The following JPH3 variants were observed in gnomAD, a reference collection of about 807,000 sequenced individuals.
The protein encoded by JPH3 is junctophilin 3, also known as junctophilin-3.
JPH3 carries 11 observed loss-of-function variants against 59.6 expected under a neutral mutation model. That is an observed-to-expected ratio of 0.18 (90% confidence interval 0.12 to 0.31). The LOEUF (loss-of-function observed/expected upper bound fraction) is 0.31, where lower values mean the gene tolerates loss of function less well. Among genes scored for constraint, JPH3 ranks in the 10% least tolerant of loss-of-function variants. JPH3 has a pLI of 1.00. For synonymous variants in JPH3, 673 were observed against 483.6 expected, an observed-to-expected ratio of 1.39 and a Z score of -5.14; for missense variants, 1,202 against 1,105.7, an observed-to-expected ratio of 1.09 and a Z score of -1.24.
intron 1 of JPH3, among the ~76,000 whole-genome samples, chr16:87,633,568 G>A (rs577027176): frequency 2.0e-5 from 3 of 152,058 alleles, no homozygotes; most frequent in East Asian, 3.9e-4. Flanking sequence ...TTGGGAGGCC[G>A]AGGCAGGCGG....
intron 2 of JPH3, among the ~76,000 whole-genome samples, chr16:87,678,421 C>A (rs1424033052): frequency 6.6e-6 from 1 of 152,026 alleles, no homozygotes; most frequent in African/African-American, 2.4e-5. Flanking sequence ...TACCTGTAGT[C>A]CCAGCTACTT....
chr16:87,618,548 A>G (rs2031057141), intron 1 of JPH3, among the ~76,000 whole-genome samples: 1 of 152,174 alleles, frequency 6.6e-6, no homozygotes, highest in African/African-American at 2.4e-5. Context: ...ACAGACTGAC[A>G]GTGTTCGGCA....
intron 1 of JPH3, among the ~76,000 whole-genome samples, chr16:87,639,622 G>GTCCTCCCTCCT (rs1567593522): frequency 1.2e-3 from 177 of 149,934 alleles, no homozygotes; most frequent in Admixed American, 2.9e-3. Context: ...CCTCCCTCCT[G>GTCCTCCCTCCT]GCCTCCCTCC....
chr16:87,652,476 T>C (rs1175314905), intron 2 of JPH3, among the ~76,000 whole-genome samples: 1 of 152,386 alleles, frequency 6.6e-6, no homozygotes, highest in East Asian at 1.9e-4. Flanking sequence ...AACTTTTTTC[T>C]TTTTCGTGAC....
At chr16:87,665,753 G>A (rs1009691767) in intron 2 of JPH3, among the ~76,000 whole-genome samples, 2 of 152,190 alleles carry the variant, frequency 1.3e-5, no homozygotes, top group African/African-American at 2.4e-5. Context: ...TCTGGCTTCC[G>A]TCAGACCCAG....
chr16:87,641,032 C>T (rs1429467601), intron 1 of JPH3, among the ~76,000 whole-genome samples: 1 of 152,238 alleles, frequency 6.6e-6, no homozygotes, highest in Non-Finnish European at 1.5e-5. Context: ...GAGCAAGCCA[C>T]AGGGTTTCCC....
rs981842051 is a variant in JPH3 at position 87,619,895 on chromosome 16, C to T, written c.382+16367C>T. ...CCTTCTAGGGAGTGAGGCTGGTGAG[C>T]GGGTTGGGGAGGAACCATGGGGCCT... On this transcript the variant is annotated intron_variant, in intron 1 of 4. Coordinates refer to ENST00000284262, the MANE Select transcript of JPH3 (RefSeq NM_020655.4). Among the ~76,000 whole-genome samples the T allele has an allele frequency of 1.8e-4, 28 of 152,184 alleles. 1 individual carries two copies. The highest frequency in any genetic ancestry group is 1.8e-3 in the Admixed American group (28 of 15,292).
intron 2 of JPH3, among the ~76,000 whole-genome samples, chr16:87,674,667 C>G (rs1479153137): frequency 6.6e-6 from 1 of 152,194 alleles, no homozygotes; most frequent in Non-Finnish European, 1.5e-5. Flanking sequence ...GGAAGCTGGA[C>G]ACATGTGGAA....
intron 1 of JPH3, among the ~76,000 whole-genome samples, chr16:87,641,967 T>C (rs1597255179): frequency 6.6e-6 from 1 of 152,074 alleles, no homozygotes; most frequent in East Asian, 1.9e-4. Flanking sequence ...CCTGGGGTGC[T>C]TGGAGGTGCT....
intron 2 of JPH3, among the ~76,000 whole-genome samples, chr16:87,674,724 T>G (rs956897514): frequency 2.6e-5 from 4 of 152,216 alleles, no homozygotes; most frequent in Non-Finnish European, 5.9e-5. Context: ...TTGTAAAATT[T>G]TTTCTAAAGA....
intron 4 of JPH3, among the ~76,000 whole-genome samples, chr16:87,692,926 C>G (rs1302256153): frequency 1.3e-5 from 2 of 152,230 alleles, no homozygotes. Flanking sequence ...TGCTACCCCA[C>G]TACAGGCTGA....
At chr16:87,631,857 A>G (rs908214266) in intron 1 of JPH3, among the ~76,000 whole-genome samples, 1 of 152,108 alleles carries the variant, frequency 6.6e-6, no homozygotes, top group Non-Finnish European at 1.5e-5. Context: ...TTTAATTTCC[A>G]GAAGCTCTTT....
At chr16:87,692,761 T>C (rs762618280) in intron 4 of JPH3, among the ~76,000 whole-genome samples, 3 of 152,200 alleles carry the variant, frequency 2.0e-5, no homozygotes, top group Non-Finnish European at 4.4e-5. Flanking sequence ...TATGACCTGA[T>C]GGTGGGGTCC....
chr16:87,609,342 T>C (rs1476520276), intron 1 of JPH3, among the ~76,000 whole-genome samples: 1 of 152,148 alleles, frequency 6.6e-6, no homozygotes, highest in East Asian at 1.9e-4. Context: ...TCTTGGCTCA[T>C]TGCAACCTCT....
intron 2 of JPH3, among the ~76,000 whole-genome samples, chr16:87,665,913 C>G (rs2032845943): frequency 1.3e-5 from 2 of 152,180 alleles, no homozygotes; most frequent in Non-Finnish European, 1.5e-5. Context: ...ATCGCTGCCC[C>G]CCAGGTAGCT....
intron 2 of JPH3, among the ~76,000 whole-genome samples, chr16:87,683,283 G>A (rs1258578669): frequency 6.6e-6 from 1 of 152,080 alleles, no homozygotes; most frequent in Non-Finnish European, 1.5e-5. Context: ...GCTGATGTTT[G>A]TTGATAATAA....
intron 2 of JPH3, among the ~76,000 whole-genome samples, chr16:87,676,607 G>A (rs561330074): frequency 1.6e-4 from 24 of 151,808 alleles, no homozygotes; most frequent in African/African-American, 3.6e-4. Context: ...GGTGGTGCGC[G>A]CCTGTAATCC....
At chr16:87,641,958 C>T in intron 1 of JPH3, among the ~76,000 whole-genome samples, 1 of 152,214 alleles carries the variant, frequency 6.6e-6, no homozygotes, top group African/African-American at 2.4e-5. Context: ...GGCCCGGGCC[C>T]TGGGGTGCTT....
At position 87,643,776 on chromosome 16, in the gene JPH3, C is replaced by A. The variant is rs1040099494; in HGVS notation, c.383-482C>A. The stretch of plus-strand genomic sequence containing the variant: ...GGATGGAGGTGTCTTCAAAAACAGC[C>A]ACTGGTGATAGAAGTTGTAGGAAGG... On this transcript the variant is annotated intron_variant, in intron 1 of 4. Coordinates refer to ENST00000284262, the MANE Select transcript of JPH3 (RefSeq NM_020655.4). Among the ~76,000 whole-genome samples the A allele has an allele frequency of 3.3e-5, 5 of 152,134 alleles. No individual in the cohort carries two copies. The South Asian group carries it at 8.3e-4, about 25-fold the overall frequency.
Sources: allele counts gnomAD v4.1 joint callset (sites outside exome capture counted in the v4.1 genomes callset), GRCh38; gene constraint gnomAD v4.1.1; transcripts MANE v1.5; gene names NCBI Gene and HGNC (gene_info 2026-07-23, HGNC 2026-07-21).